The following MAL2 variants were observed in gnomAD, a reference collection of about 807,000 sequenced individuals.
The protein encoded by MAL2 is protein MAL2.
MAL2 carries 17 observed loss-of-function variants against 18.1 expected under a neutral mutation model. That is an observed-to-expected ratio of 0.94 (90% CI 0.64 to 1.41). The LOEUF (loss-of-function observed/expected upper bound fraction) is 1.41. Ranked by LOEUF, MAL2 falls within the 40% of genes most tolerant of loss-of-function variation. The pLI is 0.00. For synonymous variants in MAL2, 102 were observed against 102.3 expected (o/e 1.00, Z 0.02); for missense variants, 222 against 231.9 (o/e 0.96, Z 0.28).
intron 2 of MAL2, among the ~76,000 whole-genome samples, chr8:119,234,074 G>C (rs991568184): frequency 6.6e-6 from 1 of 152,182 alleles, no homozygotes; most frequent in African/African-American, 2.4e-5. Context: ...GGGAGTGCCA[G>C]ACAGTGGGCA....
At position 119,208,960 on chromosome 8, in the gene MAL2, C is replaced by G. The variant is rs1211937340; in HGVS notation, c.132+356C>G. ...GGCCAGGGGCCGCGCTTGGCCGGAG[C>G]GAGCTCCTGGCTCTCGGCCTCGCCT... On this transcript the variant is annotated intron_variant, in intron 1 of 3. Transcript: ENST00000614891. The surrounding 1 kb of genome is among the most constrained non-coding windows in gnomAD (Gnocchi z 4.3). The G allele has an allele frequency of 1.7e-5, 3 of 171,580 alleles. No individual in the cohort carries two copies. The highest frequency in any genetic ancestry group is 2.5e-5 in the Non-Finnish European group (2 of 81,178). The allele number at this position is 171,580 out of a possible 1,614,324, so 10.6% of individuals were successfully genotyped here. A position where few individuals can be genotyped will look rare whatever the true frequency, so the allele number is the denominator to read the frequency against.
chr8:119,216,726 T>G (rs180896310), intron 1 of MAL2, among the ~76,000 whole-genome samples: 2 of 152,342 alleles, frequency 1.3e-5, no homozygotes, highest in East Asian at 3.9e-4. Context: ...CGGAAAGTTC[T>G]AAATAGTGTT....
chr8:119,239,541 C>A (rs1817999535), intron 2 of MAL2, among the ~76,000 whole-genome samples: 1 of 151,876 alleles, frequency 6.6e-6, no homozygotes, highest in South Asian at 2.1e-4. Context: ...CAATGATAGA[C>A]TGGATTAAGA....
At chr8:119,241,459 G>GACCACAC (rs373161045) in intron 3 of MAL2, among the ~76,000 whole-genome samples, 1 of 152,112 alleles carries the variant, frequency 6.6e-6, no homozygotes, top group South Asian at 2.1e-4. Flanking sequence ...AGTGAGCAGA[G>GACCACAC]CAGTCTGAGC....
At chr8:119,214,825 A>AGCCTC (rs1298178039) in intron 1 of MAL2, among the ~76,000 whole-genome samples, 1 of 152,218 alleles carries the variant, frequency 6.6e-6, no homozygotes, top group Non-Finnish European at 1.5e-5. Context: ...TTTGGTCATA[A>AGCCTC]GCCTCTTATG....
In MAL2 at chr8:119,226,160, A is replaced by G. The variant is rs189066058; in HGVS notation, c.303+4403A>G. Among the ~76,000 whole-genome samples, 234 of 152,132 alleles carry G rather than the reference A, an allele frequency of 1.5e-3. No individual in the cohort carries two copies. In the Middle Eastern group the frequency reaches 0.02, roughly 13 times the overall value. ...TAGTTTAATTAGATCCCATTTGTCA[A>G]TTTTGGCTTGTGTTGCCATTGCTTT... On this transcript the variant is annotated intron_variant, in intron 2 of 3. Transcript: ENST00000614891.
chr8:119,224,160 A>C (rs1257196196), intron 2 of MAL2: 2 of 152,224 alleles, frequency 1.3e-5, no homozygotes, highest in Non-Finnish European at 2.9e-5. Context: ...AGATAGCTTC[A>C]GCAGTTTTTC....
chr8:119,243,337 T>C (rs1264764418), intron 3 of MAL2, 80 bp from the exon 4 acceptor site: 4 of 1,029,868 alleles, frequency 3.9e-6, no homozygotes, highest in African/African-American at 1.7e-5. Context: ...TTGGTCAAAC[T>C]TCATATGGTT....
chr8:119,215,883 G>T (rs1344984952), intron 1 of MAL2, among the ~76,000 whole-genome samples: 4 of 152,140 alleles, frequency 2.6e-5, no homozygotes, highest in African/African-American at 9.7e-5. Flanking sequence ...ACTTGTGTGG[G>T]CTGCTTTGTA....
At chr8:119,220,677 C>T (rs923766687) in intron 1 of MAL2, among the ~76,000 whole-genome samples, 2 of 152,072 alleles carry the variant, frequency 1.3e-5, no homozygotes, top group African/African-American at 4.8e-5. Context: ...TTCACCTATG[C>T]GGGGCTACTC....
At chr8:119,232,631 A>G (rs1378565947) in intron 2 of MAL2, among the ~76,000 whole-genome samples, 1 of 152,192 alleles carries the variant, frequency 6.6e-6, no homozygotes, top group Non-Finnish European at 1.5e-5. Flanking sequence ...ATTGAATTCT[A>G]TTAGTCTTCT....
At chr8:119,221,544 G>C in intron 1 of MAL2, 43 bp from the exon 2 acceptor site, 4 of 1,607,352 alleles carry the variant, frequency 2.5e-6, no homozygotes, top group Non-Finnish European at 3.4e-6. Context: ...TTGTGTGAAA[G>C]GTATCTTTTA....
At chr8:119,219,241 G>T (rs990453656) in intron 1 of MAL2, among the ~76,000 whole-genome samples, 7 of 152,054 alleles carry the variant, frequency 4.6e-5, no homozygotes, top group Non-Finnish European at 8.8e-5. Flanking sequence ...TTTTAGACTG[G>T]TGATTTGATT....
Position 119,240,171 on chromosome 8 carries a change from G to A in MAL2, c.310G>A (p.Ala104Thr), listed in dbSNP as rs1818016797. ...IDANWNFLDFAYHFTVFVFYF... is the reference protein window; with the variant it reads ...IDANWNFLDFTYHFTVFVFYF... ...CTTTTCTCTCCTCTTTTAGGATTTT[G>A]CCTACCATTTTACAGTATTTGTCTT... is the stretch of plus-strand genomic sequence containing the variant. The change falls in exon 3 of 4, where the codon GCC becomes ACC. Residue 104 changes from alanine (A) to threonine (T), a missense_variant. Coordinates refer to ENST00000614891, the MANE Select transcript of MAL2 (RefSeq NM_052886.3). 1 of 1,610,502 alleles carries A rather than the reference G, an allele frequency of 6.2e-7. No individual in the cohort carries two copies.
intron 2 of MAL2, among the ~76,000 whole-genome samples, chr8:119,230,617 G>A (rs1477732775): frequency 6.6e-6 from 1 of 152,156 alleles, no homozygotes; most frequent in Non-Finnish European, 1.5e-5. Context: ...TAAGGGATCA[G>A]ATCACACGAA....
chr8:119,237,815 A>C (rs1354859193), intron 2 of MAL2, among the ~76,000 whole-genome samples: 1 of 152,030 alleles, frequency 6.6e-6, no homozygotes, highest in African/African-American at 2.4e-5. Flanking sequence ...ATCTATGACA[A>C]ACCCACAGCC....
chr8:119,208,550 C>G lies in MAL2; in HGVS notation c.78C>G (p.Pro26=). The change falls in exon 1 of 4, where the codon CCC becomes CCG. Residue 26 remains proline (P), a synonymous_variant. Coordinates refer to ENST00000614891, the MANE Select transcript of MAL2 (RefSeq NM_052886.3). The surrounding 1 kb of genome is among the most constrained non-coding windows in gnomAD (Gnocchi z 4.3). ...VSFPPPRVTL[P]AGPDILRTYS... Reference sequence around the variant, plus strand: ...TCCCGCCGCCCCGGGTCACCCTGCCCGCCGGCCCCGACATCCTGCGGACCT... The same window carrying G: ...TCCCGCCGCCCCGGGTCACCCTGCCGGCCGGCCCCGACATCCTGCGGACCT... 1.4e-6 allele frequency: 2 copies of G among 1,400,068 alleles called. No homozygotes were observed. The highest frequency in any genetic ancestry group is 1.9e-6 in the Non-Finnish European group (2 of 1,072,350). The allele number at this position is 1,400,068 out of a possible 1,614,324, so 86.7% of individuals were successfully genotyped here. A position where few individuals can be genotyped will look rare whatever the true frequency, so the allele number is the denominator to read the frequency against.
chr8:119,216,820 A>T (rs1563769093), intron 1 of MAL2, among the ~76,000 whole-genome samples: 1 of 152,198 alleles, frequency 6.6e-6, no homozygotes, highest in Admixed American at 6.5e-5. Flanking sequence ...TTAATTGAAA[A>T]TAGGTCACAG....
chr8:119,231,282 T>G (rs1424640542), intron 2 of MAL2, among the ~76,000 whole-genome samples: 1 of 152,224 alleles, frequency 6.6e-6, no homozygotes, highest in Non-Finnish European at 1.5e-5. Context: ...TCCGCCCGCC[T>G]TGACCTCCCA....
Sources: allele counts gnomAD v4.1 joint callset (sites outside exome capture counted in the v4.1 genomes callset), GRCh38; gene constraint gnomAD v4.1.1; non-coding constraint Gnocchi (gnomAD v3.1); transcripts MANE v1.5; gene names NCBI Gene and HGNC (gene_info 2026-07-23, HGNC 2026-07-21).